Variants in TMEM209 observed in about 807,000 individuals in gnomAD.
TMEM209 encodes testicular tissue protein Li 202.
Under a neutral mutation model 76.2 loss-of-function variants are expected in TMEM209, and 65 were observed. That is an observed-to-expected ratio of 0.85 (90% CI 0.70 to 1.05). The LOEUF is 1.05. Ranked by LOEUF, TMEM209 falls within the 50% of genes least tolerant of loss-of-function variation. The probability of loss-of-function intolerance (pLI) is 0.00; values close to 1 mark genes in which losing one functional copy is unlikely to be tolerated. For synonymous variants in TMEM209, 239 were observed against 237.6 expected (o/e 1.01, Z -0.06); for missense variants, 623 against 685.5 (o/e 0.91, Z 1.02).
At position 130,202,455 on chromosome 7, in the gene TMEM209, C is replaced by T. The variant is rs757777973; in HGVS notation, c.331+77G>A. ...GATGTCCCTTCCAGCTTTGAGTCTA[C>T]GAAATGGGAAAATTAAACTGAGAAA... On this transcript the variant is annotated intron_variant, in intron 4 of 14. Coordinates refer to ENST00000397622, the MANE Select transcript of TMEM209 (RefSeq NM_032842.4). The T allele has an allele frequency of 2.0e-4, 311 of 1,530,124 alleles. 1 individual carries two copies. Among genetic ancestry groups the T allele is most frequent in the Admixed American group, 1.1e-3 (51 of 47,800 alleles). The allele number at this position is 1,530,124 out of a possible 1,614,324, so 94.8% of individuals were successfully genotyped here. A position where few individuals can be genotyped will look rare whatever the true frequency, so the allele number is the denominator to read the frequency against.
At chr7:130,187,176 G>T (rs1454581304) in intron 6 of TMEM209, among the ~76,000 whole-genome samples, 24 of 151,664 alleles carry the variant, frequency 1.6e-4, no homozygotes, top group Admixed American at 1.6e-3. Flanking sequence ...CCGGGAAGCG[G>T]AGGTTTCAGT....
Position 130,190,256 on chromosome 7 carries a change from G to A in TMEM209, c.775+2366C>T, listed in dbSNP as rs188909771. Reference sequence around the variant, plus strand: ...TATTGGGCCAGGCGCGGTGGCTCACGGCTGTAATTCCCAGCACTTTGGAGG... The same window carrying A: ...TATTGGGCCAGGCGCGGTGGCTCACAGCTGTAATTCCCAGCACTTTGGAGG... On this transcript the variant is annotated intron_variant, in intron 6 of 14. Coordinates refer to ENST00000397622, the MANE Select transcript of TMEM209 (RefSeq NM_032842.4). Among the ~76,000 whole-genome samples the A allele has an allele frequency of 1.3e-3, 202 of 152,264 alleles. 1 individual carries two copies. The highest frequency in any genetic ancestry group is 4.7e-3 in the African/African-American group (194 of 41,546).
intron 5 of TMEM209, 78 bp from the exon 6 acceptor site, chr7:130,192,901 A>G: frequency 1.4e-6 from 2 of 1,413,508 alleles, no homozygotes; most frequent in Non-Finnish European, 9.7e-7. Context: ...CTTAAGTAAA[A>G]CACCTAGTAG....
rs1365164076 is a variant in TMEM209, at chr7:130,185,264, A to T, written c.879T>A (p.Leu293=). 1.2e-6 allele frequency: 2 copies of T among 1,613,928 alleles called. No homozygotes were observed. Among genetic ancestry groups the T allele is most frequent in the African/African-American group, 2.7e-5 (2 of 74,950 alleles). ...AQTLKKFQYQ[L]ACRSQAPCAN... is the part of the protein sequence containing the mutation. ...CACATGGGGCCTGAGACCTACAGGCAAGCTGATACTGAAACTTCTTTAAAG... is the reference window on the plus strand; with the variant it reads ...CACATGGGGCCTGAGACCTACAGGCTAGCTGATACTGAAACTTCTTTAAAG... The change falls in exon 7 of 15, where the codon CTT becomes CTA. Residue 293 remains leucine, a synonymous_variant. Coordinates refer to ENST00000397622, the MANE Select transcript of TMEM209 (RefSeq NM_032842.4).
In TMEM209 at chr7:130,204,848, A is replaced by G. The variant is rs1032611466; in HGVS notation, c.3+525T>C. 4.0e-6 allele frequency: 3 copies of G among 746,128 alleles called. No homozygotes were observed. The African/African-American group carries it at 5.7e-5, about 14-fold the overall frequency. The allele number at this position is 746,128 out of a possible 1,614,324, so 46.2% of individuals were successfully genotyped here. A position where few individuals can be genotyped will look rare whatever the true frequency, so the allele number is the denominator to read the frequency against. The stretch of plus-strand genomic sequence containing the variant: ...CTGTAAGTCATAAAGACTGTTGTAC[A>G]TCCTCATGCAGACGCCATTACTATC... On this transcript the variant is annotated intron_variant, in intron 1 of 14. Transcript: ENST00000397622.
intron 13 of TMEM209, 105 bp from the exon 14 acceptor site, chr7:130,170,578 C>G: frequency 5.8e-6 from 5 of 868,128 alleles, no homozygotes. Context: ...CTCAGAATTC[C>G]ATATAATTCA....
intron 5 of TMEM209, among the ~76,000 whole-genome samples, 187 bp from the exon 6 acceptor site, chr7:130,193,010 A>T (rs1218423280): frequency 6.6e-6 from 1 of 152,212 alleles, no homozygotes; most frequent in Non-Finnish European, 1.5e-5. Flanking sequence ...AAAATGATAC[A>T]GCCACTTTGA....
rs2117037521 is a variant in TMEM209 at position 130,201,890 on chromosome 7, C to T, written c.533G>A (p.Ser178Asn). The change falls in exon 5 of 15, where the codon AGC becomes AAC. Residue 178 changes from serine to asparagine, a missense_variant. Coordinates refer to ENST00000397622, the MANE Select transcript of TMEM209 (RefSeq NM_032842.4). ...GLSSGGSGSYSPGVTYSPVSG... is the reference protein window; with the variant it reads ...GLSSGGSGSYNPGVTYSPVSG... ...GACGGGCGAGTAGGTCACTCCAGGG[C>T]TATAAGAACCACTGCCACCTGAGGA... is the stretch of plus-strand genomic sequence containing the variant. 1.2e-6 allele frequency: 2 copies of T among 1,613,814 alleles called. No homozygotes were observed. The highest frequency in any genetic ancestry group is 1.1e-5 in the South Asian group (1 of 91,060).
intron 8 of TMEM209, 65 bp from the exon 9 acceptor site, chr7:130,181,784 CT>C: frequency 2.2e-6 from 3 of 1,339,648 alleles, no homozygotes; most frequent in Non-Finnish European, 3.1e-6. Context: ...TAATTACTTT[CT>C]TTTTTACAAG....
chr7:130,170,450 T>C lies in TMEM209; in HGVS notation c.1581A>G (p.Thr527=), dbSNP rs1355040159. The change falls in exon 14 of 15, where the codon ACA becomes ACG. Residue 527 remains threonine, a synonymous_variant. Coordinates refer to ENST00000397622, the MANE Select transcript of TMEM209 (RefSeq NM_032842.4). ...LPKGRNNMFH[T]LLMFLYIIKT... ...TTATGATGTAGAGAAACATCAACAA[T>C]GTATGAAACATATTATTTCTGCCCT... The C allele has an allele frequency of 2.2e-5, 35 of 1,612,886 alleles. No individual in the cohort carries two copies. Among genetic ancestry groups the C allele is most frequent in the Non-Finnish European group, 2.7e-5 (32 of 1,179,658 alleles).
rs752711542 is a variant in TMEM209, at chr7:130,202,041, C to T, written c.382G>A (p.Ala128Thr). The part of the protein sequence containing the change: ...HDLAATQIPP[A>T]PPSPSIQGQS... ...CCCTGAATTGAAGGGGAAGGTGGAG[C>T]GGGAGGGATTTGGGTTGCTGCCAGA... Residue 128 changes from alanine (A) to threonine (T), a missense_variant, in exon 5 of 15, where the codon GCT becomes ACT. By Grantham distance (58) the Ala-to-Thr change is moderately conservative. Coordinates refer to ENST00000397622, the MANE Select transcript of TMEM209 (RefSeq NM_032842.4). The T allele has an allele frequency of 1.3e-5, 21 of 1,613,066 alleles. No individual in the cohort carries two copies. The highest frequency in any genetic ancestry group is 1.1e-4 in the African/African-American group (8 of 74,614).
Position 130,193,831 on chromosome 7 carries a change from A to T in TMEM209, c.574-1008T>A, listed in dbSNP as rs558200088. Among the ~76,000 whole-genome samples the T allele has an allele frequency of 1.9e-4, 29 of 152,314 alleles. No homozygotes were observed. The South Asian group carries it at 5.8e-3, about 31-fold the overall frequency. On this transcript the variant is annotated intron_variant, in intron 5 of 14. Coordinates refer to ENST00000397622, the MANE Select transcript of TMEM209 (RefSeq NM_032842.4). ...AACCCATAGAACGTACAACACCAAG[A>T]GTGAACCCTAATGTAAACTATGCAC...
At chr7:130,185,136 G>A in intron 7 of TMEM209, 56 bp downstream of exon 7, 1 of 1,530,184 alleles carries the variant, frequency 6.5e-7, no homozygotes, top group Non-Finnish European at 8.8e-7. Context: ...AGAAGTAGAA[G>A]ACTTTCTAAC....
At chr7:130,177,194 C>T (rs1584671304) in intron 10 of TMEM209, among the ~76,000 whole-genome samples, 1 of 151,228 alleles carries the variant, frequency 6.6e-6, no homozygotes, top group Admixed American at 6.6e-5. Flanking sequence ...CTACTAAAAA[C>T]ACAAAAATTA....
intron 13 of TMEM209, 151 bp downstream of exon 13, chr7:130,173,481 A>G: frequency 3.6e-6 from 2 of 557,456 alleles, no homozygotes; most frequent in Non-Finnish European, 6.1e-6. Flanking sequence ...AGCACATATT[A>G]CTTTTATAGT....
chr7:130,192,883 G>T, intron 5 of TMEM209, 60 bp from the exon 6 acceptor site: 2 of 1,540,150 alleles, frequency 1.3e-6, no homozygotes, highest in Non-Finnish European at 1.8e-6. Context: ...TTTTGTTTTG[G>T]TTTTTGACTT....
At chr7:130,184,132 T>C in intron 8 of TMEM209, 52 bp downstream of exon 8, 1 of 1,212,044 alleles carries the variant, frequency 8.3e-7, no homozygotes, top group South Asian at 1.4e-5. Flanking sequence ...AATAACATGC[T>C]TTGCATATTA....
At chr7:130,186,298 A>G (rs1797596158) in intron 6 of TMEM209, among the ~76,000 whole-genome samples, 1 of 152,230 alleles carries the variant, frequency 6.6e-6, no homozygotes. Context: ...TTACGGGTAC[A>G]AAGAATTAGG....
At chr7:130,184,526 T>C (rs1797530469) in intron 7 of TMEM209, among the ~76,000 whole-genome samples, 1 of 148,264 alleles carries the variant, frequency 6.7e-6, no homozygotes. Flanking sequence ...GGAGTCTCTC[T>C]CTGTTGTCCA....
Sources: allele counts gnomAD v4.1 joint callset (sites outside exome capture counted in the v4.1 genomes callset), GRCh38; gene constraint gnomAD v4.1.1; transcripts MANE v1.5; gene names NCBI Gene and HGNC (gene_info 2026-07-23, HGNC 2026-07-21).